KANK1: variants seen among roughly 807,000 people sequenced by gnomAD.
The protein encoded by KANK1 is KN motif and ankyrin repeat domains 1.
Under a neutral mutation model 106.2 loss-of-function variants are expected in KANK1, and 109 were observed. The ratio of observed to expected loss-of-function variants is 1.03; its 90% CI spans 0.88 to 1.20. The LOEUF (loss-of-function observed/expected upper bound fraction) is 1.20, where lower values mean the gene tolerates loss of function less well. KANK1 is among the 50% of genes most tolerant of loss of function. The pLI, the probability that KANK1 is intolerant of heterozygous loss-of-function variation, is 0.00. For missense variants in KANK1, 2,399 were observed against 1,710.7 expected (o/e 1.40, Z -7.10); for synonymous variants, 873 against 652.2 (o/e 1.34, Z -5.16).
chr9:565,121 A>G (rs919043728), intron 1 of KANK1, among the ~76,000 whole-genome samples: 8 of 152,208 alleles, frequency 5.3e-5, no homozygotes, highest in Non-Finnish European at 1.0e-4. Context: ...ATCCATACCT[A>G]TATATTTTGA....
upstream of KANK1, among the ~76,000 whole-genome samples, chr9:504,129 G>A (rs1409016936): frequency 6.6e-6 from 1 of 152,154 alleles, no homozygotes; most frequent in African/African-American, 2.4e-5. Context: ...AGGAGGTACA[G>A]AGGCGCTGGG....
intron 1 of KANK1, among the ~76,000 whole-genome samples, chr9:557,750 C>T (rs1308348942): frequency 6.6e-6 from 1 of 152,154 alleles, no homozygotes; most frequent in Non-Finnish European, 1.5e-5. Flanking sequence ...ACCTGTACGG[C>T]CAGGTGTGGT....
At chr9:517,857 G>A (rs2059359034) in intron 1 of KANK1, among the ~76,000 whole-genome samples, 1 of 150,562 alleles carries the variant, frequency 6.6e-6, no homozygotes, top group African/African-American at 2.5e-5. Context: ...TCCCGCCTCA[G>A]CCTCCCAAGT....
chr9:738,153 G>A (rs1025522125), intron 7 of KANK1, 132 bp from the exon 8 acceptor site: 1 of 695,444 alleles, frequency 1.4e-6, no homozygotes, highest in East Asian at 2.7e-5. Flanking sequence ...TCTTAGGGCT[G>A]TTGGTTTTTG....
intron 3 of KANK1, among the ~76,000 whole-genome samples, chr9:717,556 A>G (rs1037019302): frequency 6.6e-6 from 1 of 152,186 alleles, no homozygotes; most frequent in African/African-American, 2.4e-5. Flanking sequence ...TTGGAACCTG[A>G]TAGTGACCAG....
intron 1 of KANK1, among the ~76,000 whole-genome samples, chr9:656,827 G>C (rs1161457200): frequency 6.6e-6 from 1 of 152,150 alleles, no homozygotes; most frequent in East Asian, 1.9e-4. Context: ...ACATAAGGCA[G>C]CTTGACCTTT....
intron 1 of KANK1, among the ~76,000 whole-genome samples, chr9:507,133 CT>C (rs60184146): frequency 0.18 from 24,245 of 136,456 alleles, 3,063 homozygotes; most frequent in African/African-American, 0.38. Flanking sequence ...CTTATGCCAT[CT>C]TTTTTTTTTT....
At chr9:579,197 C>T (rs1284235999) in intron 1 of KANK1, among the ~76,000 whole-genome samples, 1 of 152,042 alleles carries the variant, frequency 6.6e-6, no homozygotes, top group Non-Finnish European at 1.5e-5. Flanking sequence ...TAGCCTTCCC[C>T]GACCCACCCA....
intron 3 of KANK1, among the ~76,000 whole-genome samples, chr9:716,003 G>C (rs1288112469): frequency 6.6e-6 from 1 of 152,192 alleles, no homozygotes; most frequent in East Asian, 1.9e-4. Flanking sequence ...ACTCACCACA[G>C]TCTAGAATGT....
chr9:592,468 C>T (rs953381512), intron 1 of KANK1, among the ~76,000 whole-genome samples: 7 of 137,470 alleles, frequency 5.1e-5, no homozygotes, highest in Non-Finnish European at 6.2e-5. Flanking sequence ...CTCTTTCTTT[C>T]TGTGAGCACC....
At chr9:734,665 CA>C (rs142267604) in intron 6 of KANK1, 82 bp from the exon 7 acceptor site, 2,087 of 907,988 alleles carry the variant, frequency 2.3e-3, no homozygotes, top group East Asian at 3.4e-3. Context: ...GACCCTGTCT[CA>C]AAAAAAAAAT....
rs530116823 is a variant in KANK1 at position 627,256 on chromosome 9, C to T, written c.-83-49634C>T. Among the ~76,000 whole-genome samples, 127 of 152,250 alleles carry T rather than the reference C, an allele frequency of 8.3e-4. 1 individual carries two copies. The Middle Eastern group carries it at 0.014, about 16-fold the overall frequency. ...GGGCAGAGCCTGGAAGAACCCCAGT[C>T]TCCATTCCCTCCTCCTTCTCCCTAA... is the stretch of plus-strand genomic sequence containing the variant. On this transcript the variant is annotated intron_variant, in intron 1 of 11. Transcript: ENST00000382297.
intron 1 of KANK1, among the ~76,000 whole-genome samples, chr9:567,141 T>A (rs938133604): frequency 6.6e-6 from 1 of 152,202 alleles, no homozygotes; most frequent in Non-Finnish European, 1.5e-5. Flanking sequence ...TTGTCAAAGA[T>A]CAGATAGTTG....
intron 1 of KANK1, among the ~76,000 whole-genome samples, chr9:519,380 TAA>T (rs2059445880): frequency 6.6e-6 from 1 of 151,838 alleles, no homozygotes. Flanking sequence ...CTTCAGAAAT[TAA>T]GTTTTTAATT....
chr9:630,585 C>G (rs771828025), intron 1 of KANK1, among the ~76,000 whole-genome samples: 1 of 151,878 alleles, frequency 6.6e-6, no homozygotes, highest in Admixed American at 6.6e-5. Context: ...AGCTTCGTTT[C>G]AGGTGGAAGG....
At chr9:541,791 G>T (rs759712838) in intron 1 of KANK1, among the ~76,000 whole-genome samples, 4 of 151,986 alleles carry the variant, frequency 2.6e-5, no homozygotes, top group Non-Finnish European at 5.9e-5. Context: ...TAAATAACCG[G>T]ATTAAAAAAA....
At chr9:527,408 TCTCCTTCCTCAGCC>T (rs1286536293) in intron 1 of KANK1, among the ~76,000 whole-genome samples, 2 of 151,520 alleles carry the variant, frequency 1.3e-5, no homozygotes, top group African/African-American at 4.9e-5. Flanking sequence ...TTGAAGTGAT[TCTCCTTCCTCAGCC>T]CCTCAAGTAG....
intron 1 of KANK1, among the ~76,000 whole-genome samples, chr9:584,656 C>G (rs1358692430): frequency 6.6e-6 from 1 of 152,100 alleles, no homozygotes; most frequent in East Asian, 1.9e-4. Context: ...TTGAATAGTT[C>G]TGTAAGATTT....
rs1393714272 is a variant in KANK1 at position 665,631 on chromosome 9, A to C, written c.-83-11259A>C. ...CCTCCAGCTTTGCTCTTTTTGCTCAAGATTGCTTTGGTTATTTGTGGTTCC... is the reference window on the plus strand; with the variant it reads ...CCTCCAGCTTTGCTCTTTTTGCTCACGATTGCTTTGGTTATTTGTGGTTCC... On this transcript the variant is annotated intron_variant, in intron 1 of 11. Coordinates refer to ENST00000382297, the MANE Select transcript of KANK1 (RefSeq NM_015158.5). 3.9e-5 allele frequency among the ~76,000 whole-genome samples: 6 copies of C among 152,168 alleles called. No homozygotes were observed. The South Asian group carries it at 1.2e-3, about 32-fold the overall frequency.
Sources: allele counts gnomAD v4.1 joint callset (sites outside exome capture counted in the v4.1 genomes callset), GRCh38; gene constraint gnomAD v4.1.1; transcripts MANE v1.5; gene names NCBI Gene and HGNC (gene_info 2026-07-23, HGNC 2026-07-21).